The following ERC2 variants were observed in gnomAD, a reference collection of about 807,000 sequenced individuals.
The protein encoded by ERC2 is ELKS/RAB6-interacting/CAST family member 2.
ERC2 carries 42 observed loss-of-function variants against 114.8 expected under a neutral mutation model. The observed-to-expected ratio is 0.37, with a 90% confidence interval of 0.29 to 0.47. The LOEUF (loss-of-function observed/expected upper bound fraction) is 0.47, where lower values mean the gene tolerates loss of function less well. Among genes scored for constraint, ERC2 ranks in the 20% least tolerant of loss-of-function variants. The pLI is 0.99. For synonymous variants in ERC2, 454 were observed against 425.5 expected (o/e 1.07, Z -0.82); for missense variants, 939 against 1,150.7 (o/e 0.82, Z 2.66).
At chr3:55,634,257 C>T (rs1168859052) in intron 17 of ERC2, among the ~76,000 whole-genome samples, 1 of 152,150 alleles carries the variant, frequency 6.6e-6, no homozygotes, top group Non-Finnish European at 1.5e-5. Flanking sequence ...TTGAATATTA[C>T]ACTTTATGTA....
intron 2 of ERC2, among the ~76,000 whole-genome samples, chr3:56,313,555 G>C (rs2056722853): frequency 1.3e-5 from 2 of 152,188 alleles, no homozygotes; most frequent in Non-Finnish European, 2.9e-5. Flanking sequence ...GAGTGCATGA[G>C]AAGGATATCA....
intron 2 of ERC2, among the ~76,000 whole-genome samples, chr3:56,306,406 G>T (rs1230840600): frequency 6.6e-6 from 1 of 152,098 alleles, no homozygotes; most frequent in East Asian, 1.9e-4. Flanking sequence ...GCATGTAATG[G>T]GATGTTAGAT....
At chr3:56,105,400 A>G (rs866370701) in intron 6 of ERC2, among the ~76,000 whole-genome samples, 1 of 150,404 alleles carries the variant, frequency 6.6e-6, no homozygotes, top group African/African-American at 2.5e-5. Flanking sequence ...ACCAACTCCA[A>G]CTCCTGGGCT....
chr3:56,093,495 G>A lies in ERC2; in HGVS notation c.1474-12511C>T, dbSNP rs77643186. 1.7e-3 allele frequency among the ~76,000 whole-genome samples: 253 copies of A among 152,168 alleles called. 1 individual carries two copies. Among genetic ancestry groups the A allele is most frequent in the African/African-American group, 5.8e-3 (240 of 41,520 alleles). On this transcript the variant is annotated intron_variant, in intron 6 of 17. Coordinates refer to ENST00000288221, the MANE Select transcript of ERC2 (RefSeq NM_015576.3). ...ACTATAAATAAAAACAGCAATCAGC[G>A]AGGAAACTGGATCTTCACACAACAT... is the stretch of plus-strand genomic sequence containing the variant.
At chr3:56,064,899 G>A (rs1172644951) in intron 7 of ERC2, among the ~76,000 whole-genome samples, 4 of 152,164 alleles carry the variant, frequency 2.6e-5, no homozygotes, top group Non-Finnish European at 5.9e-5. Context: ...AATCCAAAAA[G>A]AACTTTGGAC....
chr3:55,994,508 A>G (rs1012160062), intron 10 of ERC2, among the ~76,000 whole-genome samples: 2 of 152,098 alleles, frequency 1.3e-5, no homozygotes, highest in Admixed American at 1.3e-4. Flanking sequence ...ACAAAATGAC[A>G]AACACGGGGG....
intron 3 of ERC2, among the ~76,000 whole-genome samples, chr3:56,259,572 A>T (rs2052768819): frequency 6.6e-6 from 1 of 152,082 alleles, no homozygotes; most frequent in Non-Finnish European, 1.5e-5. Flanking sequence ...TTTTAGAATA[A>T]GTTTTGATAT....
intron 12 of ERC2, among the ~76,000 whole-genome samples, chr3:55,982,996 G>A (rs2149508346): frequency 6.6e-6 from 1 of 152,336 alleles, no homozygotes; most frequent in Non-Finnish European, 1.5e-5. Context: ...CCATCAGCTT[G>A]AGCCTGCTTG....
intron 2 of ERC2, among the ~76,000 whole-genome samples, chr3:56,418,750 G>T (rs2061270450): frequency 6.6e-6 from 1 of 152,190 alleles, no homozygotes; most frequent in Non-Finnish European, 1.5e-5. Context: ...AAAGTGAAGT[G>T]ATTCACAGAC....
intron 14 of ERC2, among the ~76,000 whole-genome samples, chr3:55,868,105 T>G (rs1413830584): frequency 6.6e-6 from 1 of 152,190 alleles, no homozygotes; most frequent in Non-Finnish European, 1.5e-5. Context: ...TGTGTACGTT[T>G]CTACATATTA....
At chr3:55,612,984 A>G (rs1347506065) in intron 17 of ERC2, 2 of 152,246 alleles carry the variant, frequency 1.3e-5, no homozygotes, top group East Asian at 1.9e-4. Flanking sequence ...CTGAAATGCA[A>G]ATGTAACTGG....
At chr3:56,075,238 A>G (rs1263684063) in intron 7 of ERC2, among the ~76,000 whole-genome samples, 1 of 152,154 alleles carries the variant, frequency 6.6e-6, no homozygotes, top group African/African-American at 2.4e-5. Flanking sequence ...GATCCTGCCA[A>G]TGAGAGTCAG....
intron 4 of ERC2, among the ~76,000 whole-genome samples, chr3:56,149,566 A>G (rs1375625651): frequency 6.6e-6 from 1 of 152,226 alleles, no homozygotes; most frequent in Non-Finnish European, 1.5e-5. Context: ...TTTATAAGGC[A>G]TGTTTGGAAT....
Position 56,234,281 on chromosome 3 carries a change from T to C in ERC2, c.1075-60761A>G, listed in dbSNP as rs192176835. Among the ~76,000 whole-genome samples the C allele has an allele frequency of 1.9e-3, 296 of 152,322 alleles. 1 individual carries two copies. Among genetic ancestry groups the C allele is most frequent in the African/African-American group, 6.9e-3 (287 of 41,574 alleles). ...GTCCTGTACATCTCAGATGATTCAC[T>C]CAATCCAAAGCAACTGCCTTAATAG... On this transcript the variant is annotated intron_variant, in intron 3 of 17. Transcript: ENST00000288221.
At chr3:56,204,947 T>TGTGC in intron 3 of ERC2, among the ~76,000 whole-genome samples, 1 of 151,776 alleles carries the variant, frequency 6.6e-6, no homozygotes, top group African/African-American at 2.4e-5. Flanking sequence ...TGTGTGTGTG[T>TGTGC]GTGTGTATGT....
At chr3:55,536,390 C>T (rs1019173230) in intron 17 of ERC2, among the ~76,000 whole-genome samples, 10 of 152,174 alleles carry the variant, frequency 6.6e-5, no homozygotes, top group African/African-American at 1.7e-4. Context: ...CGTAGCTGTG[C>T]GGTCCTCCCA....
intron 3 of ERC2, among the ~76,000 whole-genome samples, chr3:56,231,817 C>G (rs2150178620): frequency 6.6e-6 from 1 of 152,132 alleles, no homozygotes; most frequent in Non-Finnish European, 1.5e-5. Flanking sequence ...AGCCTAGTTA[C>G]TGAGCATCAG....
chr3:55,877,985 A>T (rs1396316369), intron 14 of ERC2, among the ~76,000 whole-genome samples: 2 of 152,126 alleles, frequency 1.3e-5, no homozygotes, highest in Admixed American at 6.5e-5. Context: ...GAAAGGGCCA[A>T]GACTGCCTCC....
chr3:55,621,154 G>GCCCCC (rs1253498923), intron 17 of ERC2, among the ~76,000 whole-genome samples: 1 of 151,010 alleles, frequency 6.6e-6, no homozygotes, highest in African/African-American at 2.5e-5. Context: ...GACTCTAACT[G>GCCCCC]CCCCCCCTCC....
Sources: allele counts gnomAD v4.1 joint callset (sites outside exome capture counted in the v4.1 genomes callset), GRCh38; gene constraint gnomAD v4.1.1; transcripts MANE v1.5; gene names NCBI Gene and HGNC (gene_info 2026-07-23, HGNC 2026-07-21).